The following KLF7 variants were observed in gnomAD, a reference collection of about 807,000 sequenced individuals.
The protein encoded by KLF7 is KLF transcription factor 7.
KLF7 carries 2 observed loss-of-function variants against 27.3 expected under a neutral mutation model. The observed-to-expected ratio is 0.07, with a 90% CI of 0.03 to 0.23. The LOEUF (loss-of-function observed/expected upper bound fraction) is 0.23. Ranked by LOEUF, KLF7 falls within the 10% of genes least tolerant of loss-of-function variation. The pLI is 1.00. For missense variants in KLF7, 221 were observed against 394.1 expected (o/e 0.56, Z 3.72); for synonymous variants, 165 against 162.4 (o/e 1.02, Z -0.12).
intron 1 of KLF7, among the ~76,000 whole-genome samples, chr2:207,161,527 C>A (rs893433103): frequency 3.7e-4 from 57 of 152,170 alleles, no homozygotes; most frequent in African/African-American, 1.3e-3. Context: ...CTTTGTTTTC[C>A]TGGCTGATAT....
chr2:207,109,318 T>C (rs564437025), intron 2 of KLF7, among the ~76,000 whole-genome samples: 1 of 152,292 alleles, frequency 6.6e-6, no homozygotes, highest in Admixed American at 6.5e-5. Context: ...ACAAGTAAAA[T>C]AACAACAAAT....
At chr2:207,084,141 CTGAGGAGGATGTACCTG>C (rs2076335459) in intron 3 of KLF7, among the ~76,000 whole-genome samples, 2 of 152,092 alleles carry the variant, frequency 1.3e-5, no homozygotes, top group Non-Finnish European at 2.9e-5. Flanking sequence ...CTGGTCAGGC[CTGAGGAGGATGTACCTG>C]TGAGAAGCAA....
chr2:207,108,945 C>G (rs1019952272), intron 2 of KLF7, among the ~76,000 whole-genome samples: 2 of 152,234 alleles, frequency 1.3e-5, no homozygotes, highest in African/African-American at 4.8e-5. Flanking sequence ...AACTCATACA[C>G]CAAGATCCAC....
chr2:207,141,409 A>C (rs963205633), intron 1 of KLF7, among the ~76,000 whole-genome samples: 5 of 152,174 alleles, frequency 3.3e-5, no homozygotes, highest in African/African-American at 1.2e-4. Context: ...CCATAAATCT[A>C]GGTTAGGAAT....
chr2:207,127,186 C>A (rs1362822473), intron 1 of KLF7, among the ~76,000 whole-genome samples: 2 of 152,158 alleles, frequency 1.3e-5, no homozygotes, highest in African/African-American at 4.8e-5. Context: ...GTGGAAAAAT[C>A]TGGACCATTT....
rs2077828659 is a variant in KLF7 at position 207,137,731 on chromosome 2, T to A, written c.103-13327A>T. Among the ~76,000 whole-genome samples the A allele has an allele frequency of 2.0e-5, 3 of 151,438 alleles. No homozygotes were observed. The South Asian group carries it at 6.3e-4, about 32-fold the overall frequency. ...CACTGTTAATGAAGTGTAGATTCTC[T>A]TTAATGTATTTTGGATGCCTCTCTC... On this transcript the variant is annotated intron_variant, in intron 1 of 3. Transcript: ENST00000309446.
the KLF7 span, among the ~76,000 whole-genome samples, chr2:207,172,357 G>A: frequency 3.9e-5 from 6 of 152,022 alleles, no homozygotes; most frequent in Non-Finnish European, 8.8e-5. Flanking sequence ...ACTTCAACAC[G>A]ACTGTTCATC....
chr2:207,106,813 G>C (rs936326345), intron 2 of KLF7, among the ~76,000 whole-genome samples: 5 of 152,156 alleles, frequency 3.3e-5, no homozygotes, highest in Non-Finnish European at 5.9e-5. Flanking sequence ...AAAGCACAGA[G>C]AGTGGGATGG....
At position 207,077,606 on chromosome 2, in the gene KLF7, C is replaced by T. The variant is rs896621119; in HGVS notation, c.*3607G>A. On this transcript the variant is annotated 3_prime_UTR_variant, in exon 4 of 4. Coordinates refer to ENST00000309446, the MANE Select transcript of KLF7 (RefSeq NM_003709.4). ...CTCCAATATTTTTACAAAAATGCAG[C>T]TTTGTCATGGAATCTGAACATCTCT... 2.0e-5 allele frequency: 3 copies of T among 152,102 alleles called. No individual in the cohort carries two copies. The highest frequency in any genetic ancestry group is 2.9e-5 in the Non-Finnish European group (2 of 68,014). The allele number at this position is 152,102 out of a possible 1,614,324, so 9.4% of individuals were successfully genotyped here.
intron 2 of KLF7, among the ~76,000 whole-genome samples, chr2:207,123,038 C>G (rs2077381955): frequency 1.4e-5 from 2 of 142,360 alleles, no homozygotes; most frequent in Non-Finnish European, 3.0e-5. Flanking sequence ...TCCCATTGCT[C>G]AAAAGATCAG....
At chr2:207,140,999 T>G (rs1265428426) in intron 1 of KLF7, among the ~76,000 whole-genome samples, 1 of 152,194 alleles carries the variant, frequency 6.6e-6, no homozygotes, top group Non-Finnish European at 1.5e-5. Context: ...TCTACATAAT[T>G]AGCTCTATGC....
rs907664281 is a variant in KLF7 at position 207,115,765 on chromosome 2, A to G, written c.733+8009T>C. ...ATGTCTCCCTACCTGTTTACAGACT[A>G]CTGAAATTCTATTAAGTTTCCCCTA... is the stretch of plus-strand genomic sequence containing the variant. On this transcript the variant is annotated intron_variant, in intron 2 of 3. Coordinates refer to ENST00000309446, the MANE Select transcript of KLF7 (RefSeq NM_003709.4). 2.0e-5 allele frequency among the ~76,000 whole-genome samples: 3 copies of G among 152,186 alleles called. No homozygotes were observed. The East Asian group carries it at 5.8e-4, about 29-fold the overall frequency.
At chr2:207,108,022 A>G (rs1209958923) in intron 2 of KLF7, among the ~76,000 whole-genome samples, 1 of 152,186 alleles carries the variant, frequency 6.6e-6, no homozygotes, top group Non-Finnish European at 1.5e-5. Flanking sequence ...CTTAACGGTG[A>G]GCTTGTGGTA....
At chr2:207,088,642 C>A in intron 2 of KLF7, 61 bp from the exon 3 acceptor site, 1 of 1,566,022 alleles carries the variant, frequency 6.4e-7, no homozygotes, top group South Asian at 1.2e-5. Context: ...TACACCCAAC[C>A]AGCCTGTGCT....
At chr2:207,111,950 T>C (rs1324424520) in intron 2 of KLF7, among the ~76,000 whole-genome samples, 1 of 152,028 alleles carries the variant, frequency 6.6e-6, no homozygotes, top group Non-Finnish European at 1.5e-5. Flanking sequence ...CCCAGACTTC[T>C]TTGAACTTTT....
chr2:207,165,958 T>A (rs897268547), upstream of KLF7: 1 of 1,023,540 alleles, frequency 9.8e-7, no homozygotes. Context: ...TCGCTCCTAA[T>A]GCAATCTTTG....
chr2:207,093,900 A>C (rs1252971061), intron 2 of KLF7, among the ~76,000 whole-genome samples: 1 of 152,186 alleles, frequency 6.6e-6, no homozygotes, highest in Non-Finnish European at 1.5e-5. Flanking sequence ...AAAATGTGGT[A>C]AGTTTTCCTT....
At chr2:207,090,358 C>T (rs1021183343) in intron 2 of KLF7, among the ~76,000 whole-genome samples, 2 of 152,204 alleles carry the variant, frequency 1.3e-5, no homozygotes, top group Non-Finnish European at 2.9e-5. Context: ...TGCCACATAA[C>T]CTTTGGAGTC....
intron 2 of KLF7, among the ~76,000 whole-genome samples, chr2:207,116,649 T>G (rs888459694): frequency 3.3e-5 from 5 of 152,220 alleles, no homozygotes; most frequent in African/African-American, 1.2e-4. Context: ...AAACAGCCTC[T>G]GTACATTATC....
Sources: gnomAD v4.1 joint callset for allele counts (sites outside exome capture counted in the v4.1 genomes callset) on GRCh38, gnomAD v4.1.1 for gene constraint, MANE v1.5 for transcripts, NCBI Gene and HGNC (gene_info 2026-07-23, HGNC 2026-07-21) for gene names.